The following FAM241B variants were observed in gnomAD, a reference collection of about 807,000 sequenced individuals.
FAM241B encodes protein FAM241B.
A neutral mutation model predicts 9.3 loss-of-function variants in FAM241B; 7 were observed. The ratio of observed to expected loss-of-function variants is 0.75; its 90% CI spans 0.43 to 1.41. The LOEUF (loss-of-function observed/expected upper bound fraction) is 1.41. FAM241B is among the 40% of genes most tolerant of loss of function. The probability of loss-of-function intolerance (pLI) is 0.01; values close to 1 mark genes in which losing one functional copy is unlikely to be tolerated. For synonymous variants in FAM241B, 60 were observed against 64.1 expected (o/e 0.94, Z 0.31); for missense variants, 136 against 159.6 (o/e 0.85, Z 0.80).
rs1839857202 is a variant in FAM241B, at chr10:69,632,955, C to G, written c.262C>G (p.Pro88Ala). The G allele has an allele frequency of 1.2e-6, 2 of 1,614,104 alleles. No individual in the cohort carries two copies. The highest frequency in any genetic ancestry group is 2.7e-5 in the African/African-American group (2 of 74,936). ...GCATCTTGGCAACCATGCTGTGGAG[C>G]CGGTGACCTCCATCCTGCTCCTCTT... Reference protein sequence around the residue: ...QWHLGNHAVEPVTSILLLFLL... With the variant: ...QWHLGNHAVEAVTSILLLFLL... Residue 88 changes from proline to alanine, a missense_variant, in exon 4 of 4, where the codon CCG becomes GCG. Physicochemically the swap from Pro to Ala is conservative, Grantham distance 27. Coordinates refer to ENST00000373279, the MANE Select transcript of FAM241B (RefSeq NM_145306.3).
At chr10:69,632,242 G>C (rs2616090) in intron 3 of FAM241B, among the ~76,000 whole-genome samples, 100,640 of 151,834 alleles carry the variant, frequency 0.66, 33,723 homozygotes, top group East Asian at 0.89. Flanking sequence ...GGGCGGATCA[G>C]GAGGCCAGGA....
At chr10:69,630,832 A>G (rs1267880012) in intron 1 of FAM241B, among the ~76,000 whole-genome samples, 2 of 152,178 alleles carry the variant, frequency 1.3e-5, no homozygotes, top group African/African-American at 4.8e-5. Flanking sequence ...CCGTTAGCCA[A>G]GGTTGGACTG....
At chr10:69,632,454 T>C (rs1839842785) in intron 3 of FAM241B, among the ~76,000 whole-genome samples, 1 of 83,938 alleles carries the variant, frequency 1.2e-5, no homozygotes. Flanking sequence ...CGAGACTCCG[T>C]CTCAAAAAAA....
intron 3 of FAM241B, 80 bp from the exon 4 acceptor site, chr10:69,632,710 G>C: frequency 6.7e-7 from 1 of 1,500,470 alleles, no homozygotes; most frequent in Non-Finnish European, 9.0e-7. Flanking sequence ...GGAAGGGCAG[G>C]ATGCAGCCTA....
At position 69,633,136 on chromosome 10, in the gene FAM241B, G is replaced by A; in HGVS notation, c.*77G>A. 6.4e-7 allele frequency: 1 copy of A among 1,560,058 alleles called. No individual in the cohort carries two copies. Among genetic ancestry groups the A allele is most frequent in the African/African-American group, 1.3e-5 (1 of 74,144 alleles). On this transcript the variant is annotated 3_prime_UTR_variant, in exon 4 of 4. Transcript: ENST00000373279. Reference sequence around the variant, plus strand: ...GGTGTGAGAGCAGGCATATTTGGAGGGGATCTGGTGGTGCCTTGAAGGTAT... The same window carrying A: ...GGTGTGAGAGCAGGCATATTTGGAGAGGATCTGGTGGTGCCTTGAAGGTAT...
chr10:69,632,813 T>C lies in FAM241B; in HGVS notation c.120T>C (p.Gly40=). ...AGAGCTTCTTCAACAGGGGCCATGG[T>C]GCTCCCCCAGGGGGTCCTGGCCCCC... ...PRQSFFNRGH[G]APPGGPGPRQ... The change falls in exon 4 of 4, where the codon GGT becomes GGC. Residue 40 remains glycine (G), a synonymous_variant. Transcript: ENST00000373279. 2 of 1,613,776 alleles carry C rather than the reference T, an allele frequency of 1.2e-6. No individual in the cohort carries two copies. The highest frequency in any genetic ancestry group is 1.7e-6 in the Non-Finnish European group (2 of 1,179,872).
At chr10:69,631,874 G>T in intron 3 of FAM241B, 35 bp downstream of exon 3, 1 of 1,585,328 alleles carries the variant, frequency 6.3e-7, no homozygotes, top group Non-Finnish European at 8.6e-7. Flanking sequence ...GGGACAGATG[G>T]CCTCCTGTGT....
At chr10:69,630,681 TCTC>T (rs2133255198) in intron 1 of FAM241B, 4 of 1,295,696 alleles carry the variant, frequency 3.1e-6, no homozygotes, top group Admixed American at 4.8e-5. Context: ...CTGAGGCTCA[TCTC>T]CTGAGAATGA....
chr10:69,630,796 T>A, intron 1 of FAM241B: 1 of 676,060 alleles, frequency 1.5e-6, no homozygotes. Flanking sequence ...CCCCCTCCCA[T>A]ATTTTGGGAA....
chr10:69,632,726 G>A (rs1280282031), intron 3 of FAM241B, 64 bp from the exon 4 acceptor site: 2 of 1,562,606 alleles, frequency 1.3e-6, no homozygotes, highest in Non-Finnish European at 1.7e-6. Flanking sequence ...GCCTAGAGAG[G>A]TTGATTCCTG....
intron 1 of FAM241B, 24 bp from the exon 2 acceptor site, chr10:69,631,456 A>G: frequency 6.8e-7 from 1 of 1,473,346 alleles, no homozygotes; most frequent in Admixed American, 2.1e-5. Flanking sequence ...ACTTGCCTTT[A>G]TTTCTCCCCT....
rs995512880 is a variant in FAM241B, at chr10:69,632,952, G to A, written c.259G>A (p.Glu87Lys). The change falls in exon 4 of 4, where the codon GAG (glutamate) becomes AAG (lysine). Residue 87 changes from glutamate to lysine, a missense_variant. By Grantham distance (56) the Glu-to-Lys change is moderately conservative. Coordinates refer to ENST00000373279, the MANE Select transcript of FAM241B (RefSeq NM_145306.3). ...PQWHLGNHAV[E>K]PVTSILLLFL... ...GTGGCATCTTGGCAACCATGCTGTG[G>A]AGCCGGTGACCTCCATCCTGCTCCT... The A allele has an allele frequency of 1.9e-6, 3 of 1,614,078 alleles. No individual in the cohort carries two copies. Among genetic ancestry groups the A allele is most frequent in the African/African-American group, 1.3e-5 (1 of 74,936 alleles).
intron 1 of FAM241B, among the ~76,000 whole-genome samples, chr10:69,631,126 G>C (rs1315708893): frequency 6.6e-6 from 1 of 152,194 alleles, no homozygotes; most frequent in Non-Finnish European, 1.5e-5. Flanking sequence ...CCCAGGGAGG[G>C]CCCTAGAACC....
At chr10:69,630,591 C>CA (rs1400515964) in intron 1 of FAM241B, 2 of 1,261,174 alleles carry the variant, frequency 1.6e-6, no homozygotes, top group Non-Finnish European at 2.1e-6. Flanking sequence ...TCCCGGGCTC[C>CA]AGGCTACGGG....
At chr10:69,631,231 C>T (rs1294683565) in intron 1 of FAM241B, among the ~76,000 whole-genome samples, 1 of 152,204 alleles carries the variant, frequency 6.6e-6, no homozygotes, top group African/African-American at 2.4e-5. Flanking sequence ...GTGCAATGGC[C>T]GCGCTAGTAC....
At position 69,633,083 on chromosome 10, in the gene FAM241B, G is replaced by A; in HGVS notation, c.*24G>A. 6.2e-7 allele frequency: 1 copy of A among 1,612,706 alleles called. No individual in the cohort carries two copies. The highest frequency in any genetic ancestry group is 8.5e-7 in the Non-Finnish European group (1 of 1,179,136). ...GACCTCTGAGGGCTGATAGGGGTGG[G>A]TTTGTTGAGAGGGACTTGCTGGGCC... On this transcript the variant is annotated 3_prime_UTR_variant, in exon 4 of 4. Coordinates refer to ENST00000373279, the MANE Select transcript of FAM241B (RefSeq NM_145306.3).
In FAM241B at chr10:69,632,981, C is replaced by T; in HGVS notation, c.288C>T (p.Phe96=). The part of the protein sequence containing the change: ...VEPVTSILLL[F]LLMMLGVRGL... ...CGGTGACCTCCATCCTGCTCCTCTT[C>T]CTGCTCATGATGCTTGGTGTTCGTG... The change falls in exon 4 of 4, where the codon TTC becomes TTT. Residue 96 remains phenylalanine (F), a synonymous_variant. Transcript: ENST00000373279. 6.2e-7 allele frequency: 1 copy of T among 1,614,202 alleles called. No homozygotes were observed. The highest frequency in any genetic ancestry group is 8.5e-7 in the Non-Finnish European group (1 of 1,180,030).
chr10:69,631,455 T>A (rs41277242), intron 1 of FAM241B, 25 bp from the exon 2 acceptor site: 19,708 of 1,471,390 alleles, frequency 0.013, 178 homozygotes, highest in Non-Finnish European at 0.015. Context: ...AACTTGCCTT[T>A]ATTTCTCCCC....
chr10:69,630,637 A>C, intron 1 of FAM241B: 1 of 1,299,642 alleles, frequency 7.7e-7, no homozygotes, highest in Non-Finnish European at 1.0e-6. Context: ...TTCGGCATAC[A>C]TGTCACCAGT....
Sources: gnomAD v4.1 joint callset for allele counts (sites outside exome capture counted in the v4.1 genomes callset) on GRCh38, gnomAD v4.1.1 for gene constraint, MANE v1.5 for transcripts, NCBI Gene and HGNC (gene_info 2026-07-23, HGNC 2026-07-21) for gene names.